Variants in XPR1 observed in about 807,000 individuals in gnomAD.
The protein encoded by XPR1 is xenotropic and polytropic retrovirus receptor 1.
In XPR1, 28 loss-of-function variants were observed where a neutral mutation model predicts 87.5. The ratio of observed to expected loss-of-function variants is 0.32; its 90% CI spans 0.24 to 0.44. The LOEUF (loss-of-function observed/expected upper bound fraction) is 0.44. XPR1 is among the 20% of genes least tolerant of loss of function. XPR1 has a pLI of 1.00. For missense variants in XPR1, 559 were observed against 862.3 expected, an observed-to-expected ratio of 0.65 and a Z score of 4.41; for synonymous variants, 300 against 306.1, an observed-to-expected ratio of 0.98 and a Z score of 0.21.
intron 2 of XPR1, among the ~76,000 whole-genome samples, chr1:180,756,165 A>G (rs2102043827): frequency 6.6e-6 from 1 of 152,200 alleles, no homozygotes; most frequent in South Asian, 2.1e-4. Flanking sequence ...CATAACTTAA[A>G]TCCAATCAGG....
intron 2 of XPR1, among the ~76,000 whole-genome samples, chr1:180,706,957 A>ATTTC (rs2101978060): frequency 6.6e-6 from 1 of 152,262 alleles, no homozygotes; most frequent in African/African-American, 2.4e-5. Flanking sequence ...TTAAGCTGAA[A>ATTTC]ACAGTATTTT....
At chr1:180,734,835 C>G (rs1240649923) in intron 2 of XPR1, among the ~76,000 whole-genome samples, 2 of 152,028 alleles carry the variant, frequency 1.3e-5, no homozygotes, top group Non-Finnish European at 2.9e-5. Context: ...TATGAGTGGT[C>G]AGGATTGTGA....
chr1:180,682,231 T>C, intron 1 of XPR1, 129 bp from the exon 2 acceptor site: 2 of 539,326 alleles, frequency 3.7e-6, no homozygotes, highest in Non-Finnish European at 6.2e-6. Context: ...AAATGTTAAT[T>C]GAAGTATTTA....
chr1:180,650,558 T>C (rs569236468), intron 1 of XPR1, among the ~76,000 whole-genome samples: 1 of 152,366 alleles, frequency 6.6e-6, no homozygotes, highest in South Asian at 2.1e-4. Context: ...ATGTTGAGAA[T>C]TCACCATGAG....
At chr1:180,839,007 GATAA>G (rs1343308816) in intron 11 of XPR1, among the ~76,000 whole-genome samples, 2 of 152,088 alleles carry the variant, frequency 1.3e-5, no homozygotes, top group Non-Finnish European at 2.9e-5. Context: ...TTCTTAATGA[GATAA>G]ATTTATGTTA....
intron 7 of XPR1, among the ~76,000 whole-genome samples, chr1:180,824,496 G>A (rs1376751899): frequency 3.9e-5 from 6 of 152,020 alleles, no homozygotes; most frequent in African/African-American, 1.5e-4. Flanking sequence ...CAGGAGAATC[G>A]CTTGAACCAG....
At chr1:180,815,771 G>C (rs1167704291) in intron 7 of XPR1, among the ~76,000 whole-genome samples, 2 of 152,040 alleles carry the variant, frequency 1.3e-5, no homozygotes, top group African/African-American at 4.8e-5. Context: ...TTTACAGTGG[G>C]TATAAGGTGT....
Position 180,836,558 on chromosome 1 carries a change from G to A in XPR1, c.1343G>A (p.Arg448Gln), listed in dbSNP as rs1233488664. The part of the protein sequence containing the change: ...GICHKYTYGV[R>Q]AIVQCIPAWL... ...TGCCACAAATATACATATGGTGTGCGGGCCATTGTTCAGTGCATTCCTGCT... is the reference window on the plus strand; with the variant it reads ...TGCCACAAATATACATATGGTGTGCAGGCCATTGTTCAGTGCATTCCTGCT... Residue 448 changes from arginine (R) to glutamine (Q), a missense_variant, in exon 11 of 15, where the codon CGG becomes CAG. By Grantham distance (43) the Arg-to-Gln change is conservative (BLOSUM62 1). This residue lies in a region of XPR1 where 264 missense variants were observed against 377.2 expected (regional missense o/e 0.70). Transcript: ENST00000367590. 6.8e-6 allele frequency: 11 copies of A among 1,613,896 alleles called. No individual in the cohort carries two copies. The highest frequency in any genetic ancestry group is 1.3e-5 in the African/African-American group (1 of 74,842).
At chr1:180,739,330 C>CA (rs1557983138) in intron 2 of XPR1, among the ~76,000 whole-genome samples, 1 of 152,100 alleles carries the variant, frequency 6.6e-6, no homozygotes, top group East Asian at 1.9e-4. Flanking sequence ...TATTGTTTTT[C>CA]AAAAATTTTA....
At chr1:180,725,322 T>G (rs920940771) in intron 2 of XPR1, among the ~76,000 whole-genome samples, 9 of 152,168 alleles carry the variant, frequency 5.9e-5, no homozygotes, top group African/African-American at 2.2e-4. Context: ...AAGATCTGAC[T>G]AATCTTCCTG....
intron 1 of XPR1, among the ~76,000 whole-genome samples, chr1:180,661,476 C>CGTGTGTGTGT (rs60527318): frequency 2.0e-3 from 289 of 142,458 alleles, no homozygotes; most frequent in African/African-American, 7.4e-3. Context: ...TTTAATTTTT[C>CGTGTGTGTGT]GTGTGTGTGT....
chr1:180,677,077 A>G lies in XPR1; in HGVS notation c.70-5283A>G, dbSNP rs766470434. ...GCTGGGTGTCCAACAATTGAGTTCA[A>G]TTCTGACACTGACTACCTGGAGGTA... On this transcript the variant is annotated intron_variant, in intron 1 of 14. Transcript: ENST00000367590. Among the ~76,000 whole-genome samples the G allele has an allele frequency of 5.3e-5, 8 of 152,286 alleles. No individual in the cohort carries two copies. In the East Asian group the frequency reaches 5.8e-4, roughly 11 times the overall value.
chr1:180,819,159 G>A (rs564134078), intron 7 of XPR1, among the ~76,000 whole-genome samples: 4 of 151,712 alleles, frequency 2.6e-5, no homozygotes, highest in South Asian at 2.1e-4. Context: ...TCACTATATC[G>A]CCTAGGCTGG....
At chr1:180,695,390 A>C (rs760041815) in intron 2 of XPR1, among the ~76,000 whole-genome samples, 1 of 145,056 alleles carries the variant, frequency 6.9e-6, no homozygotes, top group Non-Finnish European at 1.5e-5. Context: ...GAAGCCTTTT[A>C]GTTTAATGTA....
chr1:180,748,273 T>C (rs1361384877), intron 2 of XPR1, among the ~76,000 whole-genome samples: 1 of 152,144 alleles, frequency 6.6e-6, no homozygotes, highest in African/African-American at 2.4e-5. Context: ...GTCGGCTGAT[T>C]GTTAAACACA....
Position 180,880,172 on chromosome 1 carries a change from C to T in XPR1, c.1905C>T (p.Asn635=), listed in dbSNP as rs145897362. The stretch of plus-strand genomic sequence containing the variant: ...GGGACATCTCTGTGGCCCCCCTGAA[C>T]GCAGATGATCAGACTCTCCTAGAAC... ...AVRDISVAPL[N]ADDQTLLEQM... The change falls in exon 14 of 15, where the codon AAC becomes AAT. Residue 635 remains asparagine (N), a synonymous_variant. Coordinates refer to ENST00000367590, the MANE Select transcript of XPR1 (RefSeq NM_004736.4). The T allele has an allele frequency of 3.3e-5, 53 of 1,613,994 alleles. No homozygotes were observed. The highest frequency in any genetic ancestry group is 2.5e-4 in the African/African-American group (19 of 74,888).
intron 2 of XPR1, among the ~76,000 whole-genome samples, chr1:180,756,044 T>C (rs1647725052): frequency 6.6e-6 from 1 of 152,210 alleles, no homozygotes; most frequent in East Asian, 1.9e-4. Flanking sequence ...AGTCATCACC[T>C]TAATCAAGAG....
chr1:180,710,735 G>C (rs1447468417), intron 2 of XPR1, among the ~76,000 whole-genome samples: 1 of 152,234 alleles, frequency 6.6e-6, no homozygotes, highest in Admixed American at 6.5e-5. Flanking sequence ...AGATGGGGTG[G>C]CGGCTGGGCA....
chr1:180,879,777 A>G (rs149529735), intron 13 of XPR1, among the ~76,000 whole-genome samples: 96 of 152,362 alleles, frequency 6.3e-4, no homozygotes, highest in East Asian at 1.5e-3. Flanking sequence ...GCTTTGAGTC[A>G]TTCTGTGCCT....
Sources: gnomAD v4.1 joint callset for allele counts (sites outside exome capture counted in the v4.1 genomes callset) on GRCh38, gnomAD v4.1.1 for gene constraint, gnomAD v4.1.1 regional missense constraint, MANE v1.5 for transcripts, NCBI Gene and HGNC (gene_info 2026-07-23, HGNC 2026-07-21) for gene names.